Variants in DPCD observed in about 807,000 individuals in gnomAD.
The protein encoded by DPCD is protein DPCD.
In DPCD, 20 loss-of-function variants were observed where a neutral mutation model predicts 26.4. That is an observed-to-expected ratio of 0.76 (90% confidence interval 0.53 to 1.10). The LOEUF (loss-of-function observed/expected upper bound fraction) is 1.10. Ranked by LOEUF, DPCD falls within the 50% of genes least tolerant of loss-of-function variation. The pLI, the probability that DPCD is intolerant of heterozygous loss-of-function variation, is 0.00. For synonymous variants in DPCD, 97 were observed against 94.2 expected (o/e 1.03, Z -0.17); for missense variants, 202 against 253.9 (o/e 0.80, Z 1.39).
At chr10:101,595,986 C>T (rs2063648912) in intron 2 of DPCD, among the ~76,000 whole-genome samples, 1 of 152,190 alleles carries the variant, frequency 6.6e-6, no homozygotes, top group Admixed American at 6.5e-5. Context: ...CCCAGCCCCC[C>T]GTGCCACTTC....
At chr10:101,606,240 C>T (rs943534378) in intron 4 of DPCD, among the ~76,000 whole-genome samples, 1 of 152,204 alleles carries the variant, frequency 6.6e-6, no homozygotes, top group African/African-American at 2.4e-5. Context: ...TGGCTCACTG[C>T]AACCTCCGCC....
chr10:101,597,296 T>C (rs1430702990), intron 2 of DPCD, among the ~76,000 whole-genome samples: 1 of 152,200 alleles, frequency 6.6e-6, no homozygotes, highest in Non-Finnish European at 1.5e-5. Context: ...AATGACCCAC[T>C]CGATTCCCTT....
Position 101,608,822 on chromosome 10 carries a change from G to A in DPCD, c.405-13G>A, listed in dbSNP as rs369112227. The A allele has an allele frequency of 5.9e-5, 94 of 1,602,072 alleles. No homozygotes were observed. The highest frequency in any genetic ancestry group is 7.5e-5 in the Non-Finnish European group (88 of 1,169,986). On this transcript the variant is annotated splice_polypyrimidine_tract_variant and intron_variant, in intron 4 of 5. Transcript: ENST00000370151. ...TTGCCGAGTGCCCCAATGGCCTCTCGGTGTCCCCACAGGTACTACAAGAAG... is the reference window on the plus strand; with the variant it reads ...TTGCCGAGTGCCCCAATGGCCTCTCAGTGTCCCCACAGGTACTACAAGAAG...
intron 2 of DPCD, among the ~76,000 whole-genome samples, chr10:101,595,167 TG>T (rs1207982279): frequency 6.6e-6 from 1 of 152,256 alleles, no homozygotes; most frequent in African/African-American, 2.4e-5. Flanking sequence ...GCAGAGCTTC[TG>T]AGCTTGCCTC....
chr10:101,590,538 T>G (rs1401484401), intron 1 of DPCD, among the ~76,000 whole-genome samples: 1 of 151,996 alleles, frequency 6.6e-6, no homozygotes, highest in Non-Finnish European at 1.5e-5. Flanking sequence ...TGTGCAACTA[T>G]CACCACCATC....
chr10:101,609,064 G>A (rs1257646916), intron 5 of DPCD, 127 bp downstream of exon 5: 1 of 827,918 alleles, frequency 1.2e-6, no homozygotes, highest in East Asian at 2.4e-5. Context: ...TGGGAGAATA[G>A]GCATCTCTAA....
At chr10:101,597,686 C>T (rs538852048) in intron 2 of DPCD, among the ~76,000 whole-genome samples, 16 of 152,324 alleles carry the variant, frequency 1.1e-4, no homozygotes, top group Admixed American at 7.2e-4. Context: ...GATATGACAG[C>T]GTCCCGGGAA....
Position 101,600,177 on chromosome 10 carries a change from CT to C in DPCD, c.146-558del, listed in dbSNP as rs2063682379. ...TGCCTACGATTTTGTTTAAATGCAG[CT>C]TTGGAGCGTTTTTTTGTTTTTGCTT... is the stretch of plus-strand genomic sequence containing the variant. On this transcript the variant is annotated intron_variant, in intron 2 of 5. Coordinates refer to ENST00000370151, the MANE Select transcript of DPCD (RefSeq NM_015448.3). This position sits in a 1 kb window ranked among gnomAD's most constrained non-coding sequence, Gnocchi z 4.7. Among the ~76,000 whole-genome samples the C allele has an allele frequency of 2.0e-5, 3 of 152,004 alleles. No homozygotes were observed. The highest frequency in any genetic ancestry group is 4.4e-5 in the Non-Finnish European group (3 of 68,000).
At position 101,604,598 on chromosome 10, in the gene DPCD, A is replaced by G. The variant is rs146187391; in HGVS notation, c.404+3262A>G. ...TTTTCCAGGATCCCAGTGTTGGACC[A>G]TCTATTCCTGATAACGTTTGTGCAG... On this transcript the variant is annotated intron_variant, in intron 4 of 5. Coordinates refer to ENST00000370151, the MANE Select transcript of DPCD (RefSeq NM_015448.3). 2.9e-3 allele frequency among the ~76,000 whole-genome samples: 442 copies of G among 152,352 alleles called. 1 individual carries two copies. Among genetic ancestry groups the G allele is most frequent in the Middle Eastern group, 0.014 (4 of 294 alleles).
At chr10:101,606,467 T>A (rs2134781471) in intron 4 of DPCD, among the ~76,000 whole-genome samples, 1 of 152,174 alleles carries the variant, frequency 6.6e-6, no homozygotes, top group East Asian at 1.9e-4. Flanking sequence ...GGAGGCCTTG[T>A]TTCTTCTTCA....
chr10:101,589,800 C>T (rs2063574126), intron 1 of DPCD, among the ~76,000 whole-genome samples: 1 of 152,182 alleles, frequency 6.6e-6, no homozygotes, highest in Non-Finnish European at 1.5e-5. Context: ...AGGAGAATCG[C>T]TTGAACCCGG....
chr10:101,604,677 C>T (rs952883947), intron 4 of DPCD, among the ~76,000 whole-genome samples: 1 of 152,216 alleles, frequency 6.6e-6, no homozygotes, highest in Admixed American at 6.5e-5. Flanking sequence ...TGGAATGAGC[C>T]AGGGTGCAGG....
intron 2 of DPCD, among the ~76,000 whole-genome samples, chr10:101,599,712 A>C (rs1352553163): frequency 1.3e-5 from 2 of 152,188 alleles, no homozygotes; most frequent in Non-Finnish European, 2.9e-5. Flanking sequence ...AAAAAGACAC[A>C]AACAGAAACA....
intron 3 of DPCD, 48 bp from the exon 4 acceptor site, chr10:101,601,155 C>T (rs771549730): frequency 6.2e-7 from 1 of 1,610,170 alleles, no homozygotes; most frequent in Admixed American, 1.7e-5. Context: ...GAGGGTGGAG[C>T]CTTCCCTTCC....
intron 4 of DPCD, among the ~76,000 whole-genome samples, chr10:101,604,909 G>A (rs1382591322): frequency 4.6e-5 from 7 of 152,134 alleles, no homozygotes; most frequent in Non-Finnish European, 1.0e-4. Context: ...ATTTGACATC[G>A]GTGATAGTAA....
chr10:101,603,495 C>T lies in DPCD; in HGVS notation c.404+2159C>T, dbSNP rs148500716. Reference sequence around the variant, plus strand: ...AGTCTTGGCTGGGCGCGGTGGCTCACGCCTGTAATCCCAGCACTCTGGGAA... The same window carrying T: ...AGTCTTGGCTGGGCGCGGTGGCTCATGCCTGTAATCCCAGCACTCTGGGAA... On this transcript the variant is annotated intron_variant, in intron 4 of 5. Transcript: ENST00000370151. This position sits in a 1 kb window ranked among gnomAD's most constrained non-coding sequence, Gnocchi z 4.6. 0.079 allele frequency among the ~76,000 whole-genome samples: 12,022 copies of T among 151,276 alleles called. 529 individuals are homozygous for T. The highest frequency in any genetic ancestry group is 0.12 in the African/African-American group (4,837 of 41,184).
chr10:101,608,841 CAAG>C lies in DPCD; in HGVS notation c.415_417del (p.Lys139del). On this transcript the variant is annotated inframe_deletion, in exon 5 of 6. Transcript: ENST00000370151. ...CCTCTCGGTGTCCCCACAGGTACTACAAGAAGTTCTCCATTCCTGATCTAGATA... is the reference window on the plus strand; with the variant it reads ...CCTCTCGGTGTCCCCACAGGTACTACAAGTTCTCCATTCCTGATCTAGATA... 6.2e-7 allele frequency: 1 copy of C among 1,612,946 alleles called. No individual in the cohort carries two copies. The highest frequency in any genetic ancestry group is 1.7e-4 in the Middle Eastern group (1 of 6,056).
chr10:101,588,438 CCCTCAGGGTCCGGCCCTCCGGGAAGGG>C, intron 1 of DPCD, 38 bp downstream of exon 1: 2 of 1,559,660 alleles, frequency 1.3e-6, no homozygotes, highest in Non-Finnish European at 1.7e-6. Flanking sequence ...TCGTTTTTTT[CCCTCAGGGTCCGGCCCTCCGGGAAGGG>C]CCTCAGGGCC....
chr10:101,593,800 A>G (rs975257828), intron 1 of DPCD, among the ~76,000 whole-genome samples: 14 of 152,148 alleles, frequency 9.2e-5, no homozygotes, highest in African/African-American at 1.2e-4. Flanking sequence ...CATGTTGGCC[A>G]GGCTGGTCTT....
Sources: allele counts gnomAD v4.1 joint callset (sites outside exome capture counted in the v4.1 genomes callset), GRCh38; gene constraint gnomAD v4.1.1; non-coding constraint Gnocchi (gnomAD v3.1); transcripts MANE v1.5; gene names NCBI Gene and HGNC (gene_info 2026-07-23, HGNC 2026-07-21).